The following PRDM1 variants were observed in gnomAD, a reference collection of about 807,000 sequenced individuals.
PRDM1 encodes PR domain zinc finger protein 1.
A neutral mutation model predicts 62.8 loss-of-function variants in PRDM1; 13 were observed. The ratio of observed to expected loss-of-function variants is 0.21; its 90% CI spans 0.13 to 0.33. The LOEUF (loss-of-function observed/expected upper bound fraction) is 0.33. Among genes scored for constraint, PRDM1 ranks in the 10% least tolerant of loss-of-function variants. The pLI is 1.00. For missense variants in PRDM1, 895 were observed against 1,058.8 expected (o/e 0.85, Z 2.15); for synonymous variants, 396 against 417.6 (o/e 0.95, Z 0.63).
intron 4 of PRDM1, among the ~76,000 whole-genome samples, chr6:106,101,976 AT>A (rs542200031): frequency 6.6e-6 from 1 of 152,062 alleles, no homozygotes; most frequent in Non-Finnish European, 1.5e-5. Flanking sequence ...GGGGGGAGGT[AT>A]TTTTTTTCTA....
At chr6:105,993,324 T>G (rs1772302551), upstream of PRDM1, among the ~76,000 whole-genome samples, 1 of 152,220 alleles carries the variant, frequency 6.6e-6, no homozygotes, top group Non-Finnish European at 1.5e-5. Flanking sequence ...CTAGCTTTCC[T>G]AAACTCAGTA....
chr6:106,003,384 A>T (rs1411200189), intron 1 of PRDM1, among the ~76,000 whole-genome samples: 1 of 152,128 alleles, frequency 6.6e-6, no homozygotes, highest in African/African-American at 2.4e-5. Context: ...GAAAGAGTTG[A>T]TTAGAAAGGA....
At chr6:106,103,209 T>A (rs1328329320) in intron 4 of PRDM1, among the ~76,000 whole-genome samples, 1 of 152,142 alleles carries the variant, frequency 6.6e-6, no homozygotes, top group East Asian at 1.9e-4. Flanking sequence ...GAGGAACTGA[T>A]AACCGCTGGC....
upstream of PRDM1, among the ~76,000 whole-genome samples, chr6:106,047,968 A>G (rs914268176): frequency 9.2e-5 from 14 of 152,230 alleles, no homozygotes; most frequent in Non-Finnish European, 1.5e-4. Flanking sequence ...GCAGTTCTTA[A>G]ACGGCTTGTG....
chr6:106,034,579 C>A (rs909388291), intron 1 of PRDM1, among the ~76,000 whole-genome samples: 2 of 150,516 alleles, frequency 1.3e-5, no homozygotes, highest in African/African-American at 4.9e-5. Flanking sequence ...TGTCTAACTT[C>A]ATTCCATTGT....
intron 1 of PRDM1, among the ~76,000 whole-genome samples, chr6:106,012,254 C>T (rs563558400): frequency 2.7e-5 from 4 of 149,682 alleles, no homozygotes; most frequent in African/African-American, 9.8e-5. Context: ...ATACCACACA[C>T]ACCACAACCC....
At position 106,096,355 on chromosome 6, in the gene PRDM1, C is replaced by T. The variant is rs184420173; in HGVS notation, c.411+621C>T. Among the ~76,000 whole-genome samples the T allele has an allele frequency of 1.1e-4, 16 of 152,226 alleles. No homozygotes were observed. In the East Asian group the frequency reaches 3.1e-3, roughly 29 times the overall value. ...TAGAGACGGGGTTCCACTATGTTGGCCATGATGGTCTCGATCTCTGGACCT... is the reference window on the plus strand; with the variant it reads ...TAGAGACGGGGTTCCACTATGTTGGTCATGATGGTCTCGATCTCTGGACCT... On this transcript the variant is annotated intron_variant, in intron 3 of 6. Transcript: ENST00000369096.
Position 106,086,558 on chromosome 6 carries a change from T to C in PRDM1, c.5T>C (p.Leu2Ser), listed in dbSNP as rs1411700983. Residue 2 changes from leucine to serine, a missense_variant, in exon 1 of 7, where the codon TTG becomes TCG. Transcript: ENST00000369096. The part of the protein sequence containing the change: M[L>S]DICLEKRVGT... ...GATGAACGAGACTTTTCTCAGATGT[T>C]GGATATTTGCTTGGAAAAACGTGTG... 3.9e-6 allele frequency: 6 copies of C among 1,551,526 alleles called. No individual in the cohort carries two copies. In the Admixed American group the frequency reaches 9.8e-5, roughly 25 times the overall value.
chr6:106,017,869 G>A (rs1772642370), intron 1 of PRDM1, among the ~76,000 whole-genome samples: 2 of 152,142 alleles, frequency 1.3e-5, no homozygotes, highest in East Asian at 3.8e-4. Context: ...TGGGCTGAGG[G>A]TCAGGGGGAG....
chr6:106,064,178 T>C (rs1314627822), intron 1 of PRDM1, among the ~76,000 whole-genome samples: 1 of 152,234 alleles, frequency 6.6e-6, no homozygotes, highest in African/African-American at 2.4e-5. Context: ...TAATTGAGTG[T>C]GACTGTTTCC....
chr6:106,018,227 T>C (rs957465813), intron 1 of PRDM1, among the ~76,000 whole-genome samples: 1 of 152,196 alleles, frequency 6.6e-6, no homozygotes, highest in Non-Finnish European at 1.5e-5. Context: ...AATTTGCTAG[T>C]AATGGAACGT....
chr6:106,106,640 C>A lies in PRDM1; in HGVS notation c.1902+141C>A. ...ATCCTGGACTGATGGCACTATGGTC[C>A]TTCCCAGTACTTTGTATCTGCTGAT... On this transcript the variant is annotated intron_variant, in intron 6 of 6. Coordinates refer to ENST00000369096, the MANE Select transcript of PRDM1 (RefSeq NM_001198.4). The surrounding 1 kb of genome is among the most constrained non-coding windows in gnomAD (Gnocchi z 4.4). 1 of 1,231,620 alleles carries A rather than the reference C, an allele frequency of 8.1e-7. No homozygotes were observed. Among genetic ancestry groups the A allele is most frequent in the Non-Finnish European group, 1.1e-6 (1 of 898,958 alleles). 76.3% of individuals were successfully genotyped at this position (1,231,620 alleles called of 1,614,324 possible).
upstream of PRDM1, among the ~76,000 whole-genome samples, chr6:106,083,241 A>G: frequency 1.3e-5 from 1 of 76,132 alleles, no homozygotes; most frequent in African/African-American, 5.6e-5. Context: ...GGTGGTAGGG[A>G]GTAGGAAGAA....
intron 1 of PRDM1, among the ~76,000 whole-genome samples, chr6:106,049,805 AAAG>A (rs1773142931): frequency 6.6e-6 from 1 of 152,210 alleles, no homozygotes; most frequent in African/African-American, 2.4e-5. Flanking sequence ...TGAATATAGG[AAAG>A]AATGATAAAT....
intron 1 of PRDM1, among the ~76,000 whole-genome samples, chr6:106,074,652 A>C (rs1773572390): frequency 6.6e-6 from 1 of 152,114 alleles, no homozygotes; most frequent in Non-Finnish European, 1.5e-5. Context: ...CAACTATAGA[A>C]TATTGGGTTG....
At chr6:106,077,391 G>C (rs945485036) in intron 1 of PRDM1, among the ~76,000 whole-genome samples, 1 of 152,150 alleles carries the variant, frequency 6.6e-6, no homozygotes, top group Non-Finnish European at 1.5e-5. Context: ...ATCACAGTTA[G>C]AGCATGAGCA....
At chr6:106,059,730 G>A (rs1345872745) in intron 1 of PRDM1, among the ~76,000 whole-genome samples, 2 of 152,212 alleles carry the variant, frequency 1.3e-5, no homozygotes, top group African/African-American at 4.8e-5. Flanking sequence ...TGATGACAGA[G>A]CCTTGGCTAA....
intron 1 of PRDM1, among the ~76,000 whole-genome samples, chr6:106,017,717 T>C (rs1772639965): frequency 1.3e-5 from 2 of 152,322 alleles, no homozygotes; most frequent in East Asian, 3.9e-4. Flanking sequence ...CCCAGTTTTT[T>C]TCTTTTTCGG....
intron 1 of PRDM1, among the ~76,000 whole-genome samples, chr6:106,031,038 A>G (rs1015519664): frequency 1.4e-5 from 2 of 143,808 alleles, no homozygotes; most frequent in African/African-American, 5.2e-5. Flanking sequence ...CATAGTGAAT[A>G]TGCATTGCTT....
Sources: gnomAD v4.1 joint callset for allele counts (sites outside exome capture counted in the v4.1 genomes callset) on GRCh38, gnomAD v4.1.1 for gene constraint, Gnocchi (gnomAD v3.1) non-coding constraint, MANE v1.5 for transcripts, NCBI Gene and HGNC (gene_info 2026-07-23, HGNC 2026-07-21) for gene names.